The following WWTR1 variants were observed in gnomAD, a reference collection of about 807,000 sequenced individuals.
WWTR1 encodes the protein WW domain containing transcription regulator 1.
Under a neutral mutation model 40.1 loss-of-function variants are expected in WWTR1, and 13 were observed. The ratio of observed to expected loss-of-function variants is 0.32; its 90% confidence interval spans 0.21 to 0.52. WWTR1 has a LOEUF of 0.52. WWTR1 is among the 20% of genes least tolerant of loss of function. The pLI, the probability that WWTR1 is intolerant of heterozygous loss-of-function variation, is 0.97. For missense variants in WWTR1, 436 were observed against 523.1 expected (o/e 0.83, Z 1.63); for synonymous variants, 230 against 210.1 (o/e 1.09, Z -0.82).
chr3:149,620,248 T>C lies in WWTR1; in HGVS notation c.431+36628A>G, dbSNP rs544098738. ...CAACTCAGTTTCTTTATTTTTTAGA[T>C]AAAGAACCCATAAAGGGAAGCGTGG... On this transcript the variant is annotated intron_variant, in intron 2 of 6. Coordinates refer to ENST00000360632, the MANE Select transcript of WWTR1 (RefSeq NM_015472.6). Among the ~76,000 whole-genome samples, 5 of 152,154 alleles carry C rather than the reference T, an allele frequency of 3.3e-5. No individual in the cohort carries two copies. In the South Asian group the frequency reaches 8.3e-4, roughly 25 times the overall value.
chr3:149,620,569 C>CT (rs970233468), intron 2 of WWTR1, among the ~76,000 whole-genome samples: 1 of 150,440 alleles, frequency 6.6e-6, no homozygotes, highest in East Asian at 1.9e-4. Context: ...ACCGCTCCCC[C>CT]CCACACACAC....
chr3:149,609,491 T>C (rs1739637107), intron 2 of WWTR1, among the ~76,000 whole-genome samples: 1 of 152,210 alleles, frequency 6.6e-6, no homozygotes, highest in Non-Finnish European at 1.5e-5. Context: ...ATTAAAATAA[T>C]ACTATTTTGT....
At chr3:149,535,382 CA>C (rs150617075) in intron 4 of WWTR1, among the ~76,000 whole-genome samples, 14 of 150,724 alleles carry the variant, frequency 9.3e-5, no homozygotes, top group South Asian at 4.2e-4. Context: ...GCGGGGGGAA[CA>C]AAAAAAAATT....
At chr3:149,557,462 T>C (rs1736882802) in intron 3 of WWTR1, among the ~76,000 whole-genome samples, 1 of 152,132 alleles carries the variant, frequency 6.6e-6, no homozygotes, top group Non-Finnish European at 1.5e-5. Context: ...CCCTCTTACA[T>C]CTCTGTGTCT....
At chr3:149,569,580 T>C (rs1553793459) in intron 3 of WWTR1, among the ~76,000 whole-genome samples, 1 of 152,230 alleles carries the variant, frequency 6.6e-6, no homozygotes, top group Admixed American at 6.5e-5. Flanking sequence ...AAGATTTGTT[T>C]CTGAATGTAG....
rs749716815 is a variant in WWTR1, at chr3:149,655,081, G to A, written c.431+1795C>T. 2.2e-4 allele frequency among the ~76,000 whole-genome samples: 33 copies of A among 150,998 alleles called. 1 individual carries two copies. The highest frequency in any genetic ancestry group is 2.0e-4 in the East Asian group (1 of 5,064). On this transcript the variant is annotated intron_variant, in intron 2 of 6. Transcript: ENST00000360632. ...GCGGAGCTTGCAGTGAGCCTAGATC[G>A]CGCCACTGCACTCCAGCCTGGGCGA...
intron 1 of WWTR1, among the ~76,000 whole-genome samples, chr3:149,691,061 T>C (rs1214937275): frequency 6.6e-6 from 1 of 151,894 alleles, no homozygotes; most frequent in Admixed American, 6.6e-5. Context: ...TGGCATTGAT[T>C]GAGAAAAAAT....
upstream of WWTR1, chr3:149,660,246 G>A (rs890876181): frequency 6.6e-6 from 1 of 152,148 alleles, no homozygotes; most frequent in South Asian, 2.1e-4. Flanking sequence ...GAAGTCACAA[G>A]GCTGACTTGA....
chr3:149,666,895 G>C (rs1262235421), intron 2 of WWTR1, among the ~76,000 whole-genome samples: 1 of 152,196 alleles, frequency 6.6e-6, no homozygotes, highest in Non-Finnish European at 1.5e-5. Context: ...GAGAGGGAAA[G>C]AGAGGCTGTT....
chr3:149,618,224 C>T (rs1044272682), intron 2 of WWTR1, among the ~76,000 whole-genome samples: 4 of 152,132 alleles, frequency 2.6e-5, no homozygotes, highest in African/African-American at 4.8e-5. Context: ...AAGAACAGTA[C>T]GAAGGACTCC....
intron 2 of WWTR1, among the ~76,000 whole-genome samples, chr3:149,668,526 T>A (rs1488204426): frequency 6.7e-6 from 1 of 149,146 alleles, no homozygotes; most frequent in Non-Finnish European, 1.5e-5. Context: ...GAGAATCACT[T>A]GGGCCTGGGA....
intron 2 of WWTR1, among the ~76,000 whole-genome samples, chr3:149,611,568 G>C (rs1739741243): frequency 1.3e-5 from 2 of 152,206 alleles, no homozygotes; most frequent in South Asian, 4.1e-4. Context: ...TTTGATCTAA[G>C]TTTTGATTAC....
At chr3:149,554,011 T>C (rs1270992640) in intron 3 of WWTR1, among the ~76,000 whole-genome samples, 1 of 152,136 alleles carries the variant, frequency 6.6e-6, no homozygotes, top group African/African-American at 2.4e-5. Flanking sequence ...GAGCCGCTTG[T>C]TTCTCTTATT....
intron 1 of WWTR1, among the ~76,000 whole-genome samples, chr3:149,677,393 C>T (rs1714304196): frequency 6.6e-6 from 1 of 152,196 alleles, no homozygotes; most frequent in African/African-American, 2.4e-5. Context: ...CTGTTGTTGG[C>T]TCTATTGTCT....
intron 2 of WWTR1, among the ~76,000 whole-genome samples, chr3:149,663,987 C>T (rs577117738): frequency 9.8e-5 from 15 of 152,332 alleles, no homozygotes; most frequent in African/African-American, 3.1e-4. Flanking sequence ...CATGCCTAAC[C>T]CAGTGGATTT....
chr3:149,607,613 CTTG>C (rs1739548807), intron 2 of WWTR1, among the ~76,000 whole-genome samples: 1 of 152,230 alleles, frequency 6.6e-6, no homozygotes, highest in Non-Finnish European at 1.5e-5. Context: ...TGCACCCAGC[CTTG>C]ACGTAGTGAT....
chr3:149,552,574 T>C (rs1736657480), intron 3 of WWTR1, among the ~76,000 whole-genome samples: 2 of 152,252 alleles, frequency 1.3e-5, no homozygotes, highest in African/African-American at 4.8e-5. Flanking sequence ...CACATTCTAG[T>C]TGCTGCTTCC....
intron 3 of WWTR1, among the ~76,000 whole-genome samples, chr3:149,562,082 G>T (rs1737107107): frequency 6.6e-6 from 1 of 152,154 alleles, no homozygotes; most frequent in Admixed American, 6.5e-5. Flanking sequence ...ATCACCTGAG[G>T]TCAGGAGTTC....
chr3:149,656,952 C>A lies in WWTR1; in HGVS notation c.355G>T (p.Asp119Tyr). The A allele has an allele frequency of 6.3e-7, 1 of 1,593,646 alleles. No individual in the cohort carries two copies. Among genetic ancestry groups the A allele is most frequent in the Non-Finnish European group, 8.5e-7 (1 of 1,173,656 alleles). ...QHAHLRQQSY[D>Y]VTDELPLPPG... ...GGCAGTGGCAGCTCGTCGGTCACGT[C>A]GTAGGACTGCTGGCGGAGGTGCGCG... The change falls in exon 2 of 7, where the codon GAC (aspartate) becomes TAC (tyrosine). Residue 119 changes from aspartate to tyrosine, a missense_variant. By Grantham distance (160) the Asp-to-Tyr change is radical. Transcript: ENST00000360632.
Sources: allele counts gnomAD v4.1 joint callset (sites outside exome capture counted in the v4.1 genomes callset), GRCh38; gene constraint gnomAD v4.1.1; transcripts MANE v1.5; gene names NCBI Gene and HGNC (gene_info 2026-07-23, HGNC 2026-07-21).